The following GLIS1 variants were observed in gnomAD, a reference collection of about 807,000 sequenced individuals.
GLIS1 encodes zinc finger protein GLIS1.
Under a neutral mutation model 63.8 loss-of-function variants are expected in GLIS1, and 24 were observed. The ratio of observed to expected loss-of-function variants is 0.38; its 90% confidence interval spans 0.27 to 0.53. The LOEUF is 0.53. Ranked by LOEUF, GLIS1 falls within the 20% of genes least tolerant of loss-of-function variation. The pLI, the probability that GLIS1 is intolerant of heterozygous loss-of-function variation, is 0.85. For synonymous variants in GLIS1, 450 were observed against 482.5 expected (o/e 0.93, Z 0.88); for missense variants, 1,036 against 1,074.1 (o/e 0.96, Z 0.50).
intron 4 of GLIS1, among the ~76,000 whole-genome samples, chr1:53,570,571 G>A (rs1381393819): frequency 6.6e-6 from 1 of 152,072 alleles, no homozygotes; most frequent in Non-Finnish European, 1.5e-5. Flanking sequence ...ATGAAACTAT[G>A]GTAATTAATG....
intron 4 of GLIS1, among the ~76,000 whole-genome samples, chr1:53,590,536 G>A (rs950925816): frequency 1.3e-5 from 2 of 152,142 alleles, no homozygotes; most frequent in African/African-American, 4.8e-5. Flanking sequence ...AATTTCTGCA[G>A]TCGCAGACAA....
rs187015471 is a variant in GLIS1 at position 53,651,212 on chromosome 1, T to G, written c.260-50934A>C. Among the ~76,000 whole-genome samples the G allele has an allele frequency of 2.0e-4, 31 of 152,380 alleles. No homozygotes were observed. The East Asian group carries it at 5.6e-3, about 27-fold the overall frequency. On this transcript the variant is annotated intron_variant, in intron 2 of 10. Transcript: ENST00000628545. ...GTGCACATTGTTTGTGGAGAGCCCG[T>G]AACTGGAGTTGTTACTGGGCAGAAT...
intron 2 of GLIS1, among the ~76,000 whole-genome samples, chr1:53,715,295 A>G (rs535632169): frequency 6.6e-6 from 1 of 152,326 alleles, no homozygotes; most frequent in African/African-American, 2.4e-5. Flanking sequence ...ATGTAAGCAG[A>G]AAAGTCCAGA....
At chr1:53,730,474 T>C (rs1003749770) in intron 2 of GLIS1, among the ~76,000 whole-genome samples, 2 of 152,196 alleles carry the variant, frequency 1.3e-5, no homozygotes, top group Non-Finnish European at 2.9e-5. Context: ...GGGATCTGTA[T>C]TTTTCAAGTC....
At chr1:53,625,461 A>G (rs532250990) in intron 2 of GLIS1, among the ~76,000 whole-genome samples, 1 of 152,332 alleles carries the variant, frequency 6.6e-6, no homozygotes, top group East Asian at 1.9e-4. Flanking sequence ...CATAGATTCC[A>G]TAGCTCGGCC....
At chr1:53,677,117 C>T (rs1346879811) in intron 2 of GLIS1, among the ~76,000 whole-genome samples, 1 of 152,232 alleles carries the variant, frequency 6.6e-6, no homozygotes, top group Non-Finnish European at 1.5e-5. Flanking sequence ...ATGACGCCGG[C>T]CTACAGCTCT....
At chr1:53,516,527 G>A (rs752590071) in intron 7 of GLIS1, among the ~76,000 whole-genome samples, 16 of 151,818 alleles carry the variant, frequency 1.1e-4, no homozygotes, top group Non-Finnish European at 1.9e-4. Flanking sequence ...ACCTTCACAT[G>A]GAAACCGTTA....
At chr1:53,663,784 A>C (rs1297014261) in intron 2 of GLIS1, among the ~76,000 whole-genome samples, 2 of 152,200 alleles carry the variant, frequency 1.3e-5, no homozygotes, top group African/African-American at 4.8e-5. Context: ...AAACGTTCCA[A>C]GGCTGAGCCA....
At chr1:53,604,052 C>A (rs1879737) in intron 2 of GLIS1, among the ~76,000 whole-genome samples, 122,501 of 152,288 alleles carry the variant, frequency 0.8, 54,070 homozygotes, top group Non-Finnish European at 0.99. Context: ...ATGGTGCTAA[C>A]ACCTAACCCA....
intron 6 of GLIS1, among the ~76,000 whole-genome samples, chr1:53,521,856 T>C (rs980617521): frequency 6.6e-6 from 1 of 152,250 alleles, no homozygotes; most frequent in Admixed American, 6.5e-5. Flanking sequence ...GGCAGGCACC[T>C]GGGAAGGGCC....
intron 2 of GLIS1, among the ~76,000 whole-genome samples, chr1:53,664,912 GGT>G (rs1491162604): frequency 1.3e-5 from 2 of 152,164 alleles, no homozygotes; most frequent in Non-Finnish European, 2.9e-5. Context: ...GAGCACAGAT[GGT>G]GTGTGAGGGT....
chr1:53,618,491 C>T (rs1266555373), intron 2 of GLIS1, among the ~76,000 whole-genome samples: 1 of 152,208 alleles, frequency 6.6e-6, no homozygotes, highest in African/African-American at 2.4e-5. Flanking sequence ...AACTAATGAA[C>T]ATTTCCATGA....
chr1:53,516,541 A>G (rs1339775545), intron 7 of GLIS1, among the ~76,000 whole-genome samples: 1 of 152,118 alleles, frequency 6.6e-6, no homozygotes, highest in Admixed American at 6.5e-5. Context: ...ACCGTTAAAA[A>G]AAAAAACAAG....
At chr1:53,726,350 G>A (rs1195963211) in intron 2 of GLIS1, among the ~76,000 whole-genome samples, 2 of 152,166 alleles carry the variant, frequency 1.3e-5, no homozygotes, top group African/African-American at 4.8e-5. Flanking sequence ...CACCCACTGC[G>A]CAAGGAGTGA....
chr1:53,510,090 G>T, intron 8 of GLIS1, 63 bp from the exon 9 acceptor site: 1 of 973,654 alleles, frequency 1.0e-6, no homozygotes, highest in Non-Finnish European at 1.4e-6. Flanking sequence ...CAGAGGCAGG[G>T]CTGCTGCGGC....
At chr1:53,729,995 G>C (rs1646843697) in intron 2 of GLIS1, among the ~76,000 whole-genome samples, 1 of 152,196 alleles carries the variant, frequency 6.6e-6, no homozygotes, top group African/African-American at 2.4e-5. Context: ...AGACAGGTTT[G>C]GGGAGTGGAA....
intron 2 of GLIS1, among the ~76,000 whole-genome samples, chr1:53,700,352 C>T (rs1477758100): frequency 6.6e-6 from 1 of 152,142 alleles, no homozygotes; most frequent in East Asian, 1.9e-4. Flanking sequence ...GAGGAAGGGG[C>T]AGGAATGGGA....
intron 2 of GLIS1, among the ~76,000 whole-genome samples, chr1:53,691,918 A>G (rs946460982): frequency 3.7e-4 from 56 of 152,216 alleles, no homozygotes; most frequent in African/African-American, 1.3e-3. Flanking sequence ...GTATATTACC[A>G]TTACTCTAGT....
rs568446902 is a variant in GLIS1, at chr1:53,715,311, C to T, written c.259+22495G>A. 3.3e-5 allele frequency among the ~76,000 whole-genome samples: 5 copies of T among 152,282 alleles called. No individual in the cohort carries two copies. The South Asian group carries it at 6.2e-4, about 19-fold the overall frequency. On this transcript the variant is annotated intron_variant, in intron 2 of 10. Transcript: ENST00000628545. Reference sequence around the variant, plus strand: ...TGTAAGCAGAAAAGTCCAGAGTCCACCATGGGCAGGTGAGCTGGAAAAGCA... The same window carrying T: ...TGTAAGCAGAAAAGTCCAGAGTCCATCATGGGCAGGTGAGCTGGAAAAGCA...
Sources: allele counts gnomAD v4.1 joint callset (sites outside exome capture counted in the v4.1 genomes callset), GRCh38; gene constraint gnomAD v4.1.1; transcripts MANE v1.5; gene names NCBI Gene and HGNC (gene_info 2026-07-23, HGNC 2026-07-21).